ANXA8: variants seen among roughly 807,000 people sequenced by gnomAD.
ANXA8 encodes VAC-beta.
ANXA8 carries 9 observed loss-of-function variants against 26.8 expected under a neutral mutation model. The observed-to-expected ratio is 0.34, with a 90% CI of 0.20 to 0.59. ANXA8 has a LOEUF of 0.59. ANXA8 is among the 20% of genes least tolerant of loss of function. The pLI is 0.84. For synonymous variants in ANXA8, 39 were observed against 94.8 expected (o/e 0.41, Z 3.42); for missense variants, 83 against 238.5 (o/e 0.35, Z 4.29).
chr10:47,711,714 G>T, the ANXA8 span, among the ~76,000 whole-genome samples: 1 of 121,572 alleles, frequency 8.2e-6, no homozygotes, highest in Non-Finnish European at 1.6e-5. Flanking sequence ...TAGGTCACAG[G>T]TATAGTGGAG....
chr10:47,665,048 A>G, the ANXA8 span, among the ~76,000 whole-genome samples: 5 of 147,266 alleles, frequency 3.4e-5, no homozygotes, highest in South Asian at 6.3e-4. Context: ...GGTTTTAATC[A>G]AGATTATTGT....
the ANXA8 span, among the ~76,000 whole-genome samples, chr10:47,675,425 G>T: frequency 6.6e-6 from 1 of 151,754 alleles, no homozygotes; most frequent in African/African-American, 2.4e-5. Flanking sequence ...AAAAATTGGT[G>T]GCTTGGCTAT....
chr10:47,505,343 T>C, the ANXA8 span, among the ~76,000 whole-genome samples: 1 of 77,192 alleles, frequency 1.3e-5, no homozygotes, highest in Non-Finnish European at 2.4e-5. Flanking sequence ...ATTACATTAG[T>C]AGTCATTCTA....
At chr10:47,484,352 G>T, upstream of ANXA8, 1 of 739,288 alleles carries the variant, frequency 1.4e-6, no homozygotes, top group Middle Eastern at 3.8e-4. Context: ...CCAAAGTGCT[G>T]GGATTACAGG....
chr10:47,949,722 T>C, the ANXA8 span, among the ~76,000 whole-genome samples: 9 of 149,442 alleles, frequency 6.0e-5, 1 homozygote, highest in South Asian at 6.3e-4. Context: ...ACATATTGTA[T>C]ACCCTCATGC....
the ANXA8 span, among the ~76,000 whole-genome samples, chr10:47,572,927 T>C: frequency 6.6e-6 from 1 of 151,062 alleles, no homozygotes; most frequent in Non-Finnish European, 1.5e-5. Flanking sequence ...CATTATATGT[T>C]TGTGATTTAC....
At chr10:47,698,747 T>A in the ANXA8 span, among the ~76,000 whole-genome samples, 10 of 152,040 alleles carry the variant, frequency 6.6e-5, no homozygotes, top group Non-Finnish European at 4.4e-5. Context: ...GAGGCTTAAG[T>A]GGGAAAGAAA....
chr10:47,730,212 A>G, the ANXA8 span: 1 of 474,018 alleles, frequency 2.1e-6, no homozygotes, highest in Non-Finnish European at 3.6e-6. Flanking sequence ...CGATCTTGAG[A>G]GCTCTGTGTT....
the ANXA8 span, chr10:47,706,835 A>T: frequency 2.4e-5 from 22 of 902,622 alleles, 1 homozygote; most frequent in African/African-American, 3.3e-4. Flanking sequence ...TTGAAGATAA[A>T]CTATGCTTCT....
the ANXA8 span, among the ~76,000 whole-genome samples, chr10:47,567,501 C>T: frequency 8.1e-5 from 12 of 147,844 alleles, no homozygotes; most frequent in African/African-American, 2.8e-4. Flanking sequence ...GGGAGGCGCC[C>T]GCCCCACCCC....
At chr10:47,658,843 A>ATTT in the ANXA8 span, among the ~76,000 whole-genome samples, 12 of 135,686 alleles carry the variant, frequency 8.8e-5, no homozygotes, top group South Asian at 1.7e-3. Context: ...GTTTTTATTT[A>ATTT]TTTATTATTT....
At chr10:47,572,804 G>A in the ANXA8 span, among the ~76,000 whole-genome samples, 1 of 150,808 alleles carries the variant, frequency 6.6e-6, no homozygotes, top group African/African-American at 2.5e-5. Flanking sequence ...CATTAGTTTT[G>A]TATGGAGCAG....
chr10:47,548,462 CGT>C, the ANXA8 span, among the ~76,000 whole-genome samples: 1 of 152,056 alleles, frequency 6.6e-6, no homozygotes, highest in Non-Finnish European at 1.5e-5. Context: ...CCACCTCACC[CGT>C]CTAATTTTGT....
the ANXA8 span, among the ~76,000 whole-genome samples, chr10:47,748,045 A>G: frequency 6.6e-6 from 1 of 152,204 alleles, no homozygotes; most frequent in African/African-American, 2.4e-5. Context: ...GAAGTGGTGA[A>G]CAGGCCTAAC....
chr10:47,483,168 C>T (rs1839898213), intron 1 of ANXA8, among the ~76,000 whole-genome samples: 1 of 151,432 alleles, frequency 6.6e-6, no homozygotes, highest in Non-Finnish European at 1.5e-5. Context: ...GATGGGCTGC[C>T]CTGAGCCCCG....
chr10:47,969,661 C>T, the ANXA8 span, among the ~76,000 whole-genome samples: 10,362 of 145,898 alleles, frequency 0.071, 2 homozygotes, highest in African/African-American at 0.25. Flanking sequence ...TGTGGTTACA[C>T]TGGGTACACC....
chr10:47,678,601 A>G, the ANXA8 span, among the ~76,000 whole-genome samples: 3 of 151,896 alleles, frequency 2.0e-5, no homozygotes, highest in African/African-American at 7.3e-5. Flanking sequence ...AGTAGAACCT[A>G]TTCACATTGA....
the ANXA8 span, among the ~76,000 whole-genome samples, chr10:47,556,461 G>A: frequency 6.6e-6 from 1 of 151,900 alleles, no homozygotes; most frequent in Non-Finnish European, 1.5e-5. Flanking sequence ...GAGGTATTTG[G>A]TGTGAAAGTG....
chr10:47,687,977 G>A, the ANXA8 span, among the ~76,000 whole-genome samples: 38 of 151,938 alleles, frequency 2.5e-4, no homozygotes, highest in Middle Eastern at 6.8e-3. Flanking sequence ...GTAGACGGCT[G>A]TAATCTCAGC....
Sources: allele counts gnomAD v4.1 joint callset (sites outside exome capture counted in the v4.1 genomes callset), GRCh38; gene constraint gnomAD v4.1.1; transcripts MANE v1.5; gene names NCBI Gene and HGNC (gene_info 2026-07-23, HGNC 2026-07-21).